Variants in MTHFD1 observed in about 807,000 individuals in gnomAD.
The protein encoded by MTHFD1 is C-1-tetrahydrofolate synthase, cytoplasmic.
MTHFD1 carries 44 observed loss-of-function variants against 110.3 expected under a neutral mutation model. The observed-to-expected ratio is 0.40, with a 90% CI of 0.31 to 0.51. MTHFD1 has a LOEUF of 0.51. Ranked by LOEUF, MTHFD1 falls within the 20% of genes least tolerant of loss-of-function variation. MTHFD1 has a pLI of 0.60. For missense variants in MTHFD1, 909 were observed against 1,173.1 expected, an observed-to-expected ratio of 0.77 and a Z score of 3.29; for synonymous variants, 402 against 428.8, an observed-to-expected ratio of 0.94 and a Z score of 0.77.
At chr14:64,394,947 A>G (rs1281074506) in intron 1 of MTHFD1, among the ~76,000 whole-genome samples, 1 of 152,116 alleles carries the variant, frequency 6.6e-6, no homozygotes, top group East Asian at 1.9e-4. Flanking sequence ...CAAGGGACCT[A>G]GAGCTGTTCA....
chr14:64,442,847 G>C (rs543970466), intron 21 of MTHFD1, among the ~76,000 whole-genome samples: 2 of 152,264 alleles, frequency 1.3e-5, no homozygotes, highest in South Asian at 4.2e-4. Context: ...CCTAGGGAGG[G>C]AGTGGGGGAG....
At chr14:64,401,177 T>A (rs1284817180) in intron 2 of MTHFD1, among the ~76,000 whole-genome samples, 1 of 152,122 alleles carries the variant, frequency 6.6e-6, no homozygotes, top group Non-Finnish European at 1.5e-5. Flanking sequence ...TTTATTTACT[T>A]TTGAGAGACA....
Position 64,417,886 on chromosome 14 carries a change from A to C in MTHFD1, c.479-2A>C. 6.2e-7 allele frequency: 1 copy of C among 1,612,422 alleles called. No homozygotes were observed. Among genetic ancestry groups the C allele is most frequent in the South Asian group, 1.1e-5 (1 of 91,014 alleles). On this transcript the variant is annotated splice_acceptor_variant, in intron 6 of 27. Transcript: ENST00000652337. LOFTEE classifies it high-confidence loss of function. This position sits in a 1 kb window ranked among gnomAD's most constrained non-coding sequence, Gnocchi z 4.4. ...TCTGATGCAGGCTGGCTTTTCTTTC[A>C]GGGGTGCCGATTGCCGGAAGGCATG...
At chr14:64,407,841 C>T (rs2077947145) in intron 2 of MTHFD1, among the ~76,000 whole-genome samples, 1 of 152,058 alleles carries the variant, frequency 6.6e-6, no homozygotes, top group African/African-American at 2.4e-5. Flanking sequence ...AGCCACTGCA[C>T]CTGGCCAAAA....
intron 3 of MTHFD1, among the ~76,000 whole-genome samples, chr14:64,411,802 G>A (rs2077987235): frequency 6.6e-6 from 1 of 152,182 alleles, no homozygotes; most frequent in Non-Finnish European, 1.5e-5. Flanking sequence ...TCGGGAGGCT[G>A]AGGCAGGAGA....
intron 7 of MTHFD1, 98 bp downstream of exon 7, chr14:64,418,122 A>C (rs553344866): frequency 6.9e-7 from 1 of 1,449,330 alleles, no homozygotes; most frequent in Admixed American, 1.8e-5. Context: ...ATTTAACCCC[A>C]TCATCTCATT....
chr14:64,425,944 G>A (rs1021410992), intron 10 of MTHFD1, 75 bp from the exon 11 acceptor site: 19 of 1,593,082 alleles, frequency 1.2e-5, no homozygotes, highest in African/African-American at 5.4e-5. Flanking sequence ...GGGTTGGGTT[G>A]GGGGCTTGTT....
At chr14:64,456,843 G>A (rs1362258374) in intron 26 of MTHFD1, among the ~76,000 whole-genome samples, 1 of 152,148 alleles carries the variant, frequency 6.6e-6, no homozygotes, top group African/African-American at 2.4e-5. Flanking sequence ...TGTTACAGAA[G>A]ATGACTCTTT....
At chr14:64,446,987 A>G (rs2078294366) in intron 22 of MTHFD1, among the ~76,000 whole-genome samples, 1 of 151,908 alleles carries the variant, frequency 6.6e-6, no homozygotes, top group South Asian at 2.1e-4. Context: ...GAACAGGAAC[A>G]CGCCACCACA....
At chr14:64,448,613 A>T (rs1207896175) in intron 23 of MTHFD1, 3 of 416,446 alleles carry the variant, frequency 7.2e-6, no homozygotes, top group Non-Finnish European at 1.4e-5. Context: ...TTTTATGCTA[A>T]CAGAAGGTCA....
At chr14:64,413,306 C>G (rs143313940) in intron 4 of MTHFD1, among the ~76,000 whole-genome samples, 3 of 152,034 alleles carry the variant, frequency 2.0e-5, no homozygotes, top group African/African-American at 4.8e-5. Flanking sequence ...GAGCCAAGAT[C>G]GTACCATTGC....
chr14:64,441,004 A>C, intron 18 of MTHFD1: 1 of 330,414 alleles, frequency 3.0e-6, no homozygotes, highest in Non-Finnish European at 5.9e-6. Context: ...ATCCTGGCTA[A>C]CACAATGAAA....
At chr14:64,440,672 C>A in intron 18 of MTHFD1, 1 of 288,848 alleles carries the variant, frequency 3.5e-6, no homozygotes, top group Non-Finnish European at 6.8e-6. Context: ...CGTAATATTG[C>A]AGTTTCAGCT....
chr14:64,425,967 T>C, intron 10 of MTHFD1, 52 bp from the exon 11 acceptor site: 1 of 1,608,374 alleles, frequency 6.2e-7, no homozygotes, highest in African/African-American at 1.3e-5. Context: ...TACTGTGGGA[T>C]TAATTAAACT....
At chr14:64,435,509 C>A in intron 15 of MTHFD1, 60 bp from the exon 16 acceptor site, 1 of 1,181,824 alleles carries the variant, frequency 8.5e-7, no homozygotes, top group Non-Finnish European at 1.3e-6. Flanking sequence ...AAATTTTTGT[C>A]TTACGTTTAT....
At chr14:64,421,400 C>T (rs1448002491) in intron 8 of MTHFD1, among the ~76,000 whole-genome samples, 1 of 152,142 alleles carries the variant, frequency 6.6e-6, no homozygotes, top group African/African-American at 2.4e-5. Flanking sequence ...GATGTAGACG[C>T]TGAGCTGCCA....
rs546146798 is a variant in MTHFD1, at chr14:64,403,269, G to T, written c.126+2392G>T. Among the ~76,000 whole-genome samples, 19 of 117,648 alleles carry T rather than the reference G, an allele frequency of 1.6e-4. 2 individuals are homozygous for T. The South Asian group carries it at 6.2e-3, about 38-fold the overall frequency. The allele number at this position is 117,648 out of a possible 152,430, so 77.2% of individuals were successfully genotyped here. A position where few individuals can be genotyped will look rare whatever the true frequency, so the allele number is the denominator to read the frequency against. On this transcript the variant is annotated intron_variant, in intron 2 of 27. Coordinates refer to ENST00000652337, the MANE Select transcript of MTHFD1 (RefSeq NM_005956.4). ...GCTGGGATTACAGGCACCTGCCATT[G>T]CACCCTGCTAATTTTTTTTTTTTGA...
In MTHFD1 at chr14:64,415,807, A is replaced by G. The variant is rs567920316; in HGVS notation, c.478+68A>G. On this transcript the variant is annotated intron_variant, in intron 6 of 27. Coordinates refer to ENST00000652337, the MANE Select transcript of MTHFD1 (RefSeq NM_005956.4). ...AATCCTGGTCTTGACATGTGGTGGC[A>G]TAGAGGAGGTACATTGTGGGCCATA... 3.6e-5 allele frequency: 53 copies of G among 1,473,020 alleles called. No individual in the cohort carries two copies. In the African/African-American group the frequency reaches 7.1e-4, roughly 20 times the overall value. 91.2% of individuals were successfully genotyped at this position (1,473,020 alleles called of 1,614,324 possible).
At chr14:64,416,636 A>G (rs2078028621) in intron 6 of MTHFD1, among the ~76,000 whole-genome samples, 1 of 152,252 alleles carries the variant, frequency 6.6e-6, no homozygotes, top group African/African-American at 2.4e-5. Flanking sequence ...AGAAGTTTCA[A>G]GTGGAAAGTT....
Sources: gnomAD v4.1 joint callset for allele counts (sites outside exome capture counted in the v4.1 genomes callset) on GRCh38, gnomAD v4.1.1 for gene constraint, Gnocchi (gnomAD v3.1) non-coding constraint, MANE v1.5 for transcripts, NCBI Gene and HGNC (gene_info 2026-07-23, HGNC 2026-07-21) for gene names.